TTC7A: variants seen among roughly 807,000 people sequenced by gnomAD.
TTC7A encodes tetratricopeptide repeat protein 7A.
A neutral mutation model predicts 103.7 loss-of-function variants in TTC7A; 110 were observed. The ratio of observed to expected loss-of-function variants is 1.06; its 90% CI spans 0.91 to 1.24. TTC7A has a LOEUF of 1.24. Among genes scored for constraint, TTC7A ranks in the 50% most tolerant of loss-of-function variants. The probability of loss-of-function intolerance (pLI) is 0.00; values close to 1 mark genes in which losing one functional copy is unlikely to be tolerated. For missense variants in TTC7A, 1,340 were observed against 1,116.3 expected (o/e 1.20, Z -2.86); for synonymous variants, 521 against 467.9 (o/e 1.11, Z -1.47).
At chr2:46,968,940 T>G (rs1444085423) in intron 3 of TTC7A, among the ~76,000 whole-genome samples, 7 of 151,650 alleles carry the variant, frequency 4.6e-5, no homozygotes, top group East Asian at 1.9e-4. Context: ...TTGTGTTTTT[T>G]TTTTTTTTTT....
At chr2:47,046,937 G>A (rs1682386556) in intron 16 of TTC7A, 1 of 286,896 alleles carries the variant, frequency 3.5e-6, no homozygotes, top group Non-Finnish European at 6.5e-6. Flanking sequence ...AGGAGGAGGA[G>A]GTGTACTCCT....
At chr2:47,019,248 T>G (rs1217693370) in intron 11 of TTC7A, among the ~76,000 whole-genome samples, 1 of 152,128 alleles carries the variant, frequency 6.6e-6, no homozygotes, top group Admixed American at 6.5e-5. Flanking sequence ...AAATCAAAAT[T>G]ATGGCCGGAT....
Position 46,956,895 on chromosome 2 carries a change from C to G in TTC7A, c.405C>G (p.Gly135=). ...LILGKLHYVE[G]SYRDAISMYA... ...TGGGCAAACTGCATTACGTGGAGGG[C>G]TCATACCGAGATGCCATCAGCATGT... Residue 135 remains glycine (G), a synonymous_variant, in exon 3 of 20, where the codon GGC becomes GGG. Transcript: ENST00000319190. 1 of 1,614,216 alleles carries G rather than the reference C, an allele frequency of 6.2e-7. No individual in the cohort carries two copies. The highest frequency in any genetic ancestry group is 8.5e-7 in the Non-Finnish European group (1 of 1,180,034).
rs1383560205 is a variant in TTC7A, at chr2:46,978,632, T to G, written c.649-160T>G. The G allele has an allele frequency of 7.1e-6, 4 of 559,684 alleles. No individual in the cohort carries two copies. In the Admixed American group the frequency reaches 1.3e-4, roughly 18 times the overall value. 34.7% of individuals were successfully genotyped at this position (559,684 alleles called of 1,614,324 possible). On this transcript the variant is annotated intron_variant, in intron 4 of 19. Transcript: ENST00000319190. ...ATGGGGAGAGAATGCTTTAGACATA[T>G]TTTGAGTTAAAGCGAGTTAGATCAA...
chr2:47,038,156 G>A (rs1252605871), intron 15 of TTC7A, among the ~76,000 whole-genome samples: 1 of 151,982 alleles, frequency 6.6e-6, no homozygotes, highest in African/African-American at 2.4e-5. Context: ...CTACTCAGGA[G>A]GCTGAGGCAG....
intron 19 of TTC7A, among the ~76,000 whole-genome samples, chr2:47,068,828 T>C (rs934689579): frequency 6.9e-6 from 1 of 145,110 alleles, no homozygotes; most frequent in African/African-American, 2.6e-5. Flanking sequence ...ACTTGAGCAC[T>C]GCTGGCTTAA....
At chr2:47,047,619 G>C (rs1189710584) in intron 16 of TTC7A, among the ~76,000 whole-genome samples, 1 of 152,230 alleles carries the variant, frequency 6.6e-6, no homozygotes, top group Non-Finnish European at 1.5e-5. Context: ...CTGCAAGGGG[G>C]TTGCTCCAGA....
intron 8 of TTC7A, among the ~76,000 whole-genome samples, chr2:46,998,253 G>A (rs1676422439): frequency 6.6e-6 from 1 of 152,148 alleles, no homozygotes; most frequent in Admixed American, 6.5e-5. Flanking sequence ...TTGGGGGAGA[G>A]TATTGGCAAT....
intron 19 of TTC7A, among the ~76,000 whole-genome samples, chr2:47,069,120 A>C (rs1453859665): frequency 2.0e-5 from 3 of 152,128 alleles, no homozygotes; most frequent in African/African-American, 7.2e-5. Flanking sequence ...TGGGCCAGGC[A>C]GTGCTCCAGG....
chr2:46,983,933 G>A, intron 5 of TTC7A, among the ~76,000 whole-genome samples: 1 of 152,286 alleles, frequency 6.6e-6, no homozygotes, highest in South Asian at 2.1e-4. Context: ...TGGATTTCGT[G>A]GGGAGGGGAC....
upstream of TTC7A, among the ~76,000 whole-genome samples, chr2:46,939,239 C>T (rs919207090): frequency 7.2e-5 from 11 of 152,056 alleles, no homozygotes; most frequent in Non-Finnish European, 1.3e-4. Flanking sequence ...GTACAATAGC[C>T]TCTAAAACAA....
chr2:46,935,441 C>A (rs762368240), intron 2 of TTC7A, among the ~76,000 whole-genome samples: 1 of 152,180 alleles, frequency 6.6e-6, no homozygotes, highest in African/African-American at 2.4e-5. Context: ...AAAACAGACC[C>A]CAACACTTCA....
chr2:46,971,505 G>A (rs78807471), intron 3 of TTC7A, among the ~76,000 whole-genome samples: 2,086 of 152,230 alleles, frequency 0.014, 28 homozygotes, highest in Non-Finnish European at 0.023. Context: ...CTGGTGTGGA[G>A]CTTCCAGAAG....
intron 15 of TTC7A, among the ~76,000 whole-genome samples, chr2:47,031,773 T>C (rs1027085216): frequency 6.6e-6 from 1 of 152,258 alleles, no homozygotes; most frequent in Non-Finnish European, 1.5e-5. Flanking sequence ...AGCTGATTGC[T>C]TTCTGCCAGG....
intron 11 of TTC7A, among the ~76,000 whole-genome samples, chr2:47,012,454 T>A (rs554912906): frequency 3.0e-4 from 46 of 152,332 alleles, no homozygotes; most frequent in African/African-American, 1.1e-3. Context: ...GGCCTCCCTG[T>A]CTTCCAGTTG....
At chr2:46,951,010 C>T (rs1307540846) in intron 2 of TTC7A, among the ~76,000 whole-genome samples, 1 of 152,124 alleles carries the variant, frequency 6.6e-6, no homozygotes, top group African/African-American at 2.4e-5. Context: ...CCTTTGGGCT[C>T]CTTGGGTCAG....
chr2:46,974,072 A>G (rs1468993838), intron 3 of TTC7A, among the ~76,000 whole-genome samples: 1 of 152,208 alleles, frequency 6.6e-6, no homozygotes, highest in Non-Finnish European at 1.5e-5. Flanking sequence ...TGCAGTCCTC[A>G]TAGGGGCCAC....
At chr2:47,009,887 T>TG (rs1491292647) in intron 10 of TTC7A, among the ~76,000 whole-genome samples, 4,695 of 22,794 alleles carry the variant, frequency 0.21, 108 homozygotes, top group Middle Eastern at 0.43. Flanking sequence ...TGTGTGTGTG[T>TG]TTTTTTTTTT....
intron 14 of TTC7A, among the ~76,000 whole-genome samples, chr2:47,025,701 C>T (rs1679827911): frequency 6.6e-6 from 1 of 152,206 alleles, no homozygotes; most frequent in Non-Finnish European, 1.5e-5. Flanking sequence ...CTGATGTCAT[C>T]CTGGCTGTTG....
Sources: allele counts gnomAD v4.1 joint callset (sites outside exome capture counted in the v4.1 genomes callset), GRCh38; gene constraint gnomAD v4.1.1; transcripts MANE v1.5; gene names NCBI Gene and HGNC (gene_info 2026-07-23, HGNC 2026-07-21).